PCDH15: variants seen among roughly 807,000 people sequenced by gnomAD.
PCDH15 encodes the protein protocadherin-15.
Under a neutral mutation model 178.5 loss-of-function variants are expected in PCDH15, and 129 were observed. The observed-to-expected ratio is 0.72, with a 90% CI of 0.63 to 0.84. The LOEUF is 0.84. Ranked by LOEUF, PCDH15 falls within the 40% of genes least tolerant of loss-of-function variation. The pLI is 0.00. For synonymous variants in PCDH15, 800 were observed against 732.0 expected (o/e 1.09, Z -1.50); for missense variants, 2,230 against 2,099.9 (o/e 1.06, Z -1.21).
rs143015772 is a variant in PCDH15 at position 54,938,509 on chromosome 10, T to G, written c.-79-41009A>C. 7.8e-3 allele frequency among the ~76,000 whole-genome samples: 1,195 copies of G among 152,230 alleles called. 10 individuals are homozygous for G. Among genetic ancestry groups the G allele is most frequent in the African/African-American group, 0.027 (1,141 of 41,564 alleles). ...TTGTTGGGGAGAATTGGTATTAATT[T>G]TTTCTTAAATATTTGTCATAATTTA... is the stretch of plus-strand genomic sequence containing the variant. On this transcript the variant is annotated intron_variant, in intron 2 of 5. Coordinates refer to the PCDH15 transcript ENST00000458638.
intron 2 of PCDH15, among the ~76,000 whole-genome samples, chr10:55,502,173 TA>T (rs1840671146): frequency 6.6e-6 from 1 of 151,736 alleles, no homozygotes; most frequent in Middle Eastern, 3.4e-3. Context: ...TACTTCTCCT[TA>T]TGGAACTGCC....
intron 1 of PCDH15, among the ~76,000 whole-genome samples, chr10:55,219,483 T>C (rs142840812): frequency 5.9e-5 from 9 of 151,960 alleles, no homozygotes; most frequent in African/African-American, 2.2e-4. Context: ...TGCTTTTTTC[T>C]TGCATACATC....
At chr10:53,896,611 T>G (rs2081970007) in intron 26 of PCDH15, among the ~76,000 whole-genome samples, 1 of 152,128 alleles carries the variant, frequency 6.6e-6, no homozygotes, top group Admixed American at 6.5e-5. Flanking sequence ...CGGTGACCTG[T>G]TAAGAACTGG....
intron 3 of PCDH15, among the ~76,000 whole-genome samples, chr10:54,836,985 T>C (rs16906586): frequency 0.02 from 3,116 of 152,114 alleles, 90 homozygotes; most frequent in African/African-American, 0.071. Flanking sequence ...AGAACAATTT[T>C]CTGAAAAGAA....
chr10:54,507,854 A>G (rs2081301473), intron 3 of PCDH15, among the ~76,000 whole-genome samples: 2 of 152,016 alleles, frequency 1.3e-5, no homozygotes, highest in African/African-American at 2.4e-5. Context: ...CAATTTCTTC[A>G]TATTAAAATT....
In PCDH15 at chr10:54,377,362, C is replaced by T. The variant is rs537770243; in HGVS notation, c.318+1420G>A. 2.6e-5 allele frequency among the ~76,000 whole-genome samples: 4 copies of T among 152,172 alleles called. No homozygotes were observed. The East Asian group carries it at 7.7e-4, about 29-fold the overall frequency. Reference sequence around the variant, plus strand: ...CAGATTTACCTCACTATTTGTCTAGCAGTAATGGTCTATAGGACACATAAA... The same window carrying T: ...CAGATTTACCTCACTATTTGTCTAGTAGTAATGGTCTATAGGACACATAAA... On this transcript the variant is annotated intron_variant, in intron 4 of 37. Transcript: ENST00000644397.
chr10:55,172,318 CT>C (rs200531501), intron 1 of PCDH15, among the ~76,000 whole-genome samples: 1 of 151,388 alleles, frequency 6.6e-6, no homozygotes, highest in African/African-American at 2.4e-5. Context: ...AATATTGCAG[CT>C]TTTTTTTCAA....
upstream of PCDH15, among the ~76,000 whole-genome samples, chr10:55,323,043 TA>T (rs1843944978): frequency 6.6e-6 from 1 of 152,112 alleles, no homozygotes; most frequent in African/African-American, 2.4e-5. Context: ...AAGCCATTGC[TA>T]AAAGGGGCCA....
chr10:55,357,187 AT>A, intron 2 of PCDH15, among the ~76,000 whole-genome samples: 1 of 151,974 alleles, frequency 6.6e-6, no homozygotes, highest in East Asian at 1.9e-4. Context: ...GAAAAATGAA[AT>A]TATATTGAAA....
At chr10:55,594,545 T>C (rs1842904595) in intron 2 of PCDH15, among the ~76,000 whole-genome samples, 1 of 152,056 alleles carries the variant, frequency 6.6e-6, no homozygotes, top group Non-Finnish European at 1.5e-5. Flanking sequence ...ATAAATATTA[T>C]ACAGGTGTGG....
At chr10:54,551,064 A>G (rs1179973840) in intron 2 of PCDH15, among the ~76,000 whole-genome samples, 2 of 147,412 alleles carry the variant, frequency 1.4e-5, no homozygotes, top group African/African-American at 5.0e-5. Flanking sequence ...ACGAGGCAGG[A>G]GAATCTCCTG....
At chr10:53,920,481 T>C (rs2083906986) in intron 25 of PCDH15, among the ~76,000 whole-genome samples, 1 of 152,026 alleles carries the variant, frequency 6.6e-6, no homozygotes, top group South Asian at 2.1e-4. Flanking sequence ...CACGGGATGA[T>C]AGATTATTTT....
chr10:54,409,301 C>T (rs555625494), intron 3 of PCDH15, among the ~76,000 whole-genome samples: 17 of 152,292 alleles, frequency 1.1e-4, no homozygotes, highest in South Asian at 6.2e-4. Context: ...TTTTGCATCT[C>T]ATTCCTGGCA....
intron 2 of PCDH15, among the ~76,000 whole-genome samples, chr10:54,924,774 C>A (rs1837576488): frequency 6.6e-6 from 1 of 152,086 alleles, no homozygotes; most frequent in Non-Finnish European, 1.5e-5. Flanking sequence ...ATGTCCTTTG[C>A]TCAAGTTTTA....
intron 2 of PCDH15, among the ~76,000 whole-genome samples, chr10:55,413,289 T>TA (rs564828368): frequency 7.4e-5 from 11 of 148,416 alleles, no homozygotes; most frequent in South Asian, 2.1e-4. Flanking sequence ...ATCCTGGCAA[T>TA]AAAAAAAAAG....
intron 28 of PCDH15, among the ~76,000 whole-genome samples, chr10:53,848,329 G>A (rs981552576): frequency 6.6e-6 from 1 of 151,450 alleles, no homozygotes; most frequent in Non-Finnish European, 1.5e-5. Context: ...TCTCCATAAA[G>A]CAACTGTGAT....
intron 2 of PCDH15, among the ~76,000 whole-genome samples, chr10:55,060,462 G>C (rs1363101088): frequency 6.6e-6 from 1 of 151,974 alleles, no homozygotes; most frequent in Non-Finnish European, 1.5e-5. Context: ...ACACAAACAT[G>C]TAGTTTGGGT....
At chr10:54,921,531 T>C (rs1837487404) in intron 2 of PCDH15, among the ~76,000 whole-genome samples, 2 of 152,124 alleles carry the variant, frequency 1.3e-5, no homozygotes, top group Admixed American at 1.3e-4. Context: ...CCCCTCTATG[T>C]GTCCATGTGT....
chr10:55,608,672 C>G (rs945090068), intron 2 of PCDH15, among the ~76,000 whole-genome samples: 1 of 151,896 alleles, frequency 6.6e-6, no homozygotes, highest in Non-Finnish European at 1.5e-5. Flanking sequence ...TCAGGTGCTG[C>G]AGCCGAGGAA....
Sources: gnomAD v4.1 joint callset for allele counts (sites outside exome capture counted in the v4.1 genomes callset) on GRCh38, gnomAD v4.1.1 for gene constraint, MANE v1.5 for transcripts, NCBI Gene and HGNC (gene_info 2026-07-23, HGNC 2026-07-21) for gene names.